The following GC variants were observed in gnomAD, a reference collection of about 807,000 sequenced individuals.
The protein encoded by GC is GC vitamin D binding protein.
In GC, 43 loss-of-function variants were observed where a neutral mutation model predicts 56.7. That is an observed-to-expected ratio of 0.76 (90% confidence interval 0.59 to 0.98). GC has a LOEUF of 0.98. GC is among the 50% of genes least tolerant of loss of function. The pLI is 0.00. For synonymous variants in GC, 216 were observed against 202.7 expected, an observed-to-expected ratio of 1.07 and a Z score of -0.56; for missense variants, 529 against 545.9, an observed-to-expected ratio of 0.97 and a Z score of 0.31.
chr4:71,772,397 C>T (rs142127498), intron 1 of GC, among the ~76,000 whole-genome samples: 169 of 152,200 alleles, frequency 1.1e-3, no homozygotes, highest in African/African-American at 3.9e-3. Context: ...GGGGTACCCC[C>T]GATGAACATT....
chr4:71,745,292 C>T lies in GC; in HGVS notation c.*25+859G>A, dbSNP rs1266354030. 2.6e-5 allele frequency among the ~76,000 whole-genome samples: 4 copies of T among 152,272 alleles called. No individual in the cohort carries two copies. In the East Asian group the frequency reaches 7.7e-4, roughly 29 times the overall value. ...AATATAAGTTTTCTTGACCATCCCC[C>T]TTGTACTGGTTCTCAGACTGTTAAT... On this transcript the variant is annotated intron_variant, in intron 12 of 12. Coordinates refer to ENST00000273951, the MANE Select transcript of GC (RefSeq NM_000583.4).
chr4:71,742,281 A>T (rs576966251), intron 12 of GC, among the ~76,000 whole-genome samples: 1 of 152,240 alleles, frequency 6.6e-6, no homozygotes, highest in African/African-American at 2.4e-5. Context: ...TTAGCAAAAC[A>T]TAAGTGTGAA....
At chr4:71,767,226 A>T (rs1291538853) in intron 3 of GC, among the ~76,000 whole-genome samples, 1 of 152,186 alleles carries the variant, frequency 6.6e-6, no homozygotes, top group African/African-American at 2.4e-5. Context: ...TTGTTTCTGT[A>T]TGATATCTGC....
chr4:71,755,077 A>G lies in GC; in HGVS notation c.1065T>C (p.His355=), dbSNP rs770318450. 1 of 1,592,322 alleles carries G rather than the reference A, an allele frequency of 6.3e-7. No homozygotes were observed. The highest frequency in any genetic ancestry group is 2.3e-5 in the East Asian group (1 of 44,264). The change falls in exon 9 of 13, where the codon CAT becomes CAC. Residue 355 remains histidine, a synonymous_variant. Transcript: ENST00000273951. The part of the protein sequence containing the change: ...KYTFELSRRT[H]LPEVFLSKVL... ...CCTTACTGAGGAATACTTCCGGAAG[A>G]TGAGTCCTTCTGCTTAGTTCAAATG...
rs1391661355 is a variant in GC, at chr4:71,741,798, T to C, written c.*98A>G. On this transcript the variant is annotated 3_prime_UTR_variant, in exon 13 of 13. Transcript: ENST00000273951. ...AAAAGTAGAAAGTATCCTAGTTGTCTTCCCAGAAGCTCAGTGGTTTTGCTT... is the reference window on the plus strand; with the variant it reads ...AAAAGTAGAAAGTATCCTAGTTGTCCTCCCAGAAGCTCAGTGGTTTTGCTT... 1.9e-5 allele frequency: 13 copies of C among 702,530 alleles called. No homozygotes were observed. In the Admixed American group the frequency reaches 2.6e-4, roughly 14 times the overall value. 43.5% of individuals were successfully genotyped at this position (702,530 alleles called of 1,614,324 possible).
At chr4:71,800,022 A>G (rs1182793738) in intron 1 of GC, among the ~76,000 whole-genome samples, 3 of 151,944 alleles carry the variant, frequency 2.0e-5, no homozygotes, top group African/African-American at 7.3e-5. Context: ...ACAATAGAAC[A>G]ATCAACACAC....
At chr4:71,752,411 G>C (rs1741585159) in intron 11 of GC, 107 bp downstream of exon 11, 1 of 850,614 alleles carries the variant, frequency 1.2e-6, no homozygotes. Context: ...ACCAGGAAAA[G>C]CCTGTCACAT....
At position 71,801,572 on chromosome 4, in the gene GC, T is replaced by C. The variant is rs113019444; in HGVS notation, c.21+2354A>G. Among the ~76,000 whole-genome samples the C allele has an allele frequency of 1.7e-4, 26 of 152,268 alleles. 2 individuals are homozygous for C. The highest frequency in any genetic ancestry group is 6.3e-4 in the African/African-American group (26 of 41,554). The stretch of plus-strand genomic sequence containing the variant: ...CTTACTCACAGAAATCTCAAACTTA[T>C]ATCACCTGCTGTCCAACACATGAAA... On this transcript the variant is annotated intron_variant, in intron 1 of 13. Coordinates refer to the GC transcript ENST00000504199.
chr4:71,777,781 A>C (rs1269189287), intron 1 of GC, among the ~76,000 whole-genome samples: 3 of 151,470 alleles, frequency 2.0e-5, no homozygotes, highest in Non-Finnish European at 4.4e-5. Flanking sequence ...TAGATAAAAA[A>C]ATCACAGTTA....
chr4:71,742,073 C>G (rs1226306173), intron 12 of GC, among the ~76,000 whole-genome samples: 1 of 152,084 alleles, frequency 6.6e-6, no homozygotes, highest in African/African-American at 2.4e-5. Flanking sequence ...AGTCCAAATA[C>G]CAGTAGTGAT....
rs113904511 is a variant in GC at position 71,799,887 on chromosome 4, G to A, written c.21+4039C>T. Among the ~76,000 whole-genome samples, 25 of 152,306 alleles carry A rather than the reference G, an allele frequency of 1.6e-4. 2 individuals carry two copies. The highest frequency in any genetic ancestry group is 6.0e-4 in the African/African-American group (25 of 41,568). On this transcript the variant is annotated intron_variant, in intron 1 of 13. Transcript: ENST00000504199. Reference sequence around the variant, plus strand: ...GAAAGGAATAGGGATAGACACAGCTGTGAGGAGCCCTCCTGGGGTCAGAAC... The same window carrying A: ...GAAAGGAATAGGGATAGACACAGCTATGAGGAGCCCTCCTGGGGTCAGAAC...
intron 6 of GC, among the ~76,000 whole-genome samples, chr4:71,760,476 T>A (rs1255535665): frequency 6.6e-6 from 1 of 152,026 alleles, no homozygotes; most frequent in Non-Finnish European, 1.5e-5. Context: ...ACTGTAAGTA[T>A]GGAGGGAAAA....
intron 1 of GC, among the ~76,000 whole-genome samples, chr4:71,801,824 C>T (rs1255645398): frequency 6.6e-6 from 1 of 151,558 alleles, no homozygotes; most frequent in Non-Finnish European, 1.5e-5. Context: ...AATATTTCCA[C>T]TTCTCTAAAC....
intron 1 of GC, among the ~76,000 whole-genome samples, chr4:71,802,458 A>T (rs938350758): frequency 5.9e-5 from 9 of 152,208 alleles, no homozygotes; most frequent in Non-Finnish European, 1.3e-4. Flanking sequence ...AGCACTTGCA[A>T]TATTAATAGG....
chr4:71,790,148 C>A (rs111663360), intron 1 of GC, among the ~76,000 whole-genome samples: 3 of 151,904 alleles, frequency 2.0e-5, no homozygotes, highest in Non-Finnish European at 2.9e-5. Flanking sequence ...TACTTTGTCT[C>A]GAAATCTGTT....
chr4:71,757,356 T>G (rs1741814103), intron 7 of GC, among the ~76,000 whole-genome samples: 1 of 152,136 alleles, frequency 6.6e-6, no homozygotes, highest in East Asian at 1.9e-4. Context: ...AACACAGACA[T>G]GCATTTTTAA....
At chr4:71,753,237 G>A (rs999471973) in intron 10 of GC, among the ~76,000 whole-genome samples, 2 of 151,912 alleles carry the variant, frequency 1.3e-5, no homozygotes, top group African/African-American at 4.8e-5. Context: ...TGATCTCGGC[G>A]TCTCTCCACT....
At chr4:71,745,761 G>T (rs1367387431) in intron 12 of GC, among the ~76,000 whole-genome samples, 1 of 152,114 alleles carries the variant, frequency 6.6e-6, no homozygotes, top group Non-Finnish European at 1.5e-5. Context: ...ATTTGAATAA[G>T]AATGTCCCTT....
At chr4:71,789,043 T>C (rs1742910109), upstream of GC, among the ~76,000 whole-genome samples, 1 of 151,968 alleles carries the variant, frequency 6.6e-6, no homozygotes. Context: ...CAGGTCTGAA[T>C]ATTAAAACTG....
Sources: allele counts gnomAD v4.1 joint callset (sites outside exome capture counted in the v4.1 genomes callset), GRCh38; gene constraint gnomAD v4.1.1; transcripts MANE v1.5; gene names NCBI Gene and HGNC (gene_info 2026-07-23, HGNC 2026-07-21).